CCDC30: variants seen among roughly 807,000 people sequenced by gnomAD.
CCDC30 encodes coiled-coil domain-containing protein 30.
A neutral mutation model predicts 100.2 loss-of-function variants in CCDC30; 70 were observed. The observed-to-expected ratio is 0.70, with a 90% confidence interval of 0.58 to 0.85. The LOEUF is 0.85. Ranked by LOEUF, CCDC30 falls within the 40% of genes least tolerant of loss-of-function variation. The probability of loss-of-function intolerance (pLI) is 0.00; values close to 1 mark genes in which losing one functional copy is unlikely to be tolerated. For missense variants in CCDC30, 652 were observed against 771.2 expected (o/e 0.85, Z 1.83); for synonymous variants, 233 against 269.5 (o/e 0.86, Z 1.33).
chr1:42,611,914 C>T (rs1030534937), intron 11 of CCDC30, among the ~76,000 whole-genome samples: 5 of 152,076 alleles, frequency 3.3e-5, no homozygotes, highest in African/African-American at 1.2e-4. Context: ...CTTGGCCTCC[C>T]AAAATGCTGG....
At chr1:42,494,532 G>A (rs1644199343) in intron 4 of CCDC30, among the ~76,000 whole-genome samples, 1 of 152,178 alleles carries the variant, frequency 6.6e-6, no homozygotes, top group Non-Finnish European at 1.5e-5. Context: ...AAGAGCTTCT[G>A]CACAGCAGGA....
At chr1:42,638,221 G>T (rs915731076) in intron 12 of CCDC30, among the ~76,000 whole-genome samples, 1 of 152,156 alleles carries the variant, frequency 6.6e-6, no homozygotes, top group Non-Finnish European at 1.5e-5. Flanking sequence ...GGGTGCAGTG[G>T]TTCATGCCTG....
Position 42,636,965 on chromosome 1 carries a change from C to CAAAAAAAAAAAAAA in CCDC30, c.1278-258_1278-245dup, listed in dbSNP as rs1166253995. On this transcript the variant is annotated intron_variant, in intron 11 of 16. Transcript: ENST00000668663. ...TGGGCGACAGAGCAAGACTCCATCT[C>CAAAAAAAAAAAAAA]AAAAAAAAAAAAAAAAAAAAAAAAA... is the stretch of plus-strand genomic sequence containing the variant. Among the ~76,000 whole-genome samples the CAAAAAAAAAAAAAA allele has an allele frequency of 2.0e-4, 6 of 29,518 alleles. 1 individual carries two copies. Among genetic ancestry groups the CAAAAAAAAAAAAAA allele is most frequent in the Non-Finnish European group, 3.8e-4 (6 of 15,624 alleles). The allele number at this position is 29,518 out of a possible 152,430, so 19.4% of individuals were successfully genotyped here.
intron 6 of CCDC30, among the ~76,000 whole-genome samples, chr1:42,535,552 G>A (rs1644878683): frequency 6.7e-6 from 1 of 148,350 alleles, no homozygotes; most frequent in African/African-American, 2.5e-5. Context: ...CATTTGACAG[G>A]TTGGCTTTTA....
At chr1:42,609,890 C>T (rs561949709) in intron 10 of CCDC30, among the ~76,000 whole-genome samples, 1 of 152,308 alleles carries the variant, frequency 6.6e-6, no homozygotes, top group Non-Finnish European at 1.5e-5. Flanking sequence ...ACATAAGAGA[C>T]CTAGCAAGCC....
At chr1:42,526,601 C>T (rs1232956461) in intron 6 of CCDC30, among the ~76,000 whole-genome samples, 1 of 152,002 alleles carries the variant, frequency 6.6e-6, no homozygotes, top group Non-Finnish European at 1.5e-5. Flanking sequence ...GGTTTTTGTC[C>T]TCTGTATCAG....
intron 10 of CCDC30, among the ~76,000 whole-genome samples, chr1:42,597,328 C>T (rs1646309430): frequency 6.6e-6 from 1 of 152,020 alleles, no homozygotes; most frequent in African/African-American, 2.4e-5. Context: ...CAGAGAACAT[C>T]AAGCAGGATA....
intron 9 of CCDC30, among the ~76,000 whole-genome samples, chr1:42,587,717 C>A (rs945600522): frequency 2.6e-5 from 4 of 152,172 alleles, no homozygotes; most frequent in African/African-American, 7.2e-5. Flanking sequence ...TTTTACTGCC[C>A]TAGCATGCAG....
At chr1:42,584,886 G>A (rs1259007018) in intron 9 of CCDC30, among the ~76,000 whole-genome samples, 1 of 152,090 alleles carries the variant, frequency 6.6e-6, no homozygotes, top group Admixed American at 6.5e-5. Flanking sequence ...TTGGTATTAG[G>A]GTAATGTTTG....
chr1:42,633,997 C>A (rs1236995688), intron 11 of CCDC30, among the ~76,000 whole-genome samples: 1 of 152,060 alleles, frequency 6.6e-6, no homozygotes, highest in East Asian at 1.9e-4. Flanking sequence ...ACCATCAGAT[C>A]TCATGAGAAC....
chr1:42,555,996 T>C (rs541766603), intron 6 of CCDC30, among the ~76,000 whole-genome samples, 160 bp from the exon 10 acceptor site: 13 of 152,326 alleles, frequency 8.5e-5, no homozygotes, highest in Middle Eastern at 6.8e-3. Flanking sequence ...GGCCGACTTA[T>C]GTTTTTAAAG....
intron 1 of CCDC30, among the ~76,000 whole-genome samples, chr1:42,474,703 C>A (rs901314838): frequency 6.6e-6 from 1 of 152,166 alleles, no homozygotes; most frequent in African/African-American, 2.4e-5. Context: ...TCCCCTTATT[C>A]CCTATGTGAC....
intron 6 of CCDC30, among the ~76,000 whole-genome samples, chr1:42,510,471 A>AT (rs1334086945): frequency 6.6e-6 from 1 of 152,134 alleles, no homozygotes; most frequent in African/African-American, 2.4e-5. Context: ...ATCCTTGCCA[A>AT]TATGGTGAAA....
intron 6 of CCDC30, among the ~76,000 whole-genome samples, chr1:42,531,476 T>C (rs1169665357): frequency 2.6e-5 from 4 of 152,186 alleles, no homozygotes; most frequent in Admixed American, 1.3e-4. Flanking sequence ...AACATTATTT[T>C]TGGGCTGGGC....
intron 6 of CCDC30, among the ~76,000 whole-genome samples, chr1:42,547,670 A>G (rs1208589507): frequency 3.3e-5 from 5 of 152,162 alleles, no homozygotes; most frequent in African/African-American, 1.2e-4. Context: ...AAGTCTAGGT[A>G]TCTGCCATCT....
chr1:42,482,753 C>T, exon 3 of CCDC30: 6 of 1,234,002 alleles, frequency 4.9e-6, no homozygotes, highest in Non-Finnish European at 6.1e-6. Context: ...AGGGGTGGCT[C>T]ATGAAGAGAT....
intron 2 of CCDC30, among the ~76,000 whole-genome samples, chr1:42,481,118 A>AC (rs1040776959): frequency 2.0e-5 from 3 of 152,072 alleles, no homozygotes; most frequent in Non-Finnish European, 4.4e-5. Flanking sequence ...CTCTTAAAAA[A>AC]AAAAAAAGAG....
chr1:42,612,240 A>G lies in CCDC30; in HGVS notation c.1277+1150A>G, dbSNP rs527367924. On this transcript the variant is annotated intron_variant, in intron 11 of 16. Transcript: ENST00000668663. ...CCCTTGCACTAACAGCAGCAGTTAAACAGGGTACAACTGCTAACAGACAAA... is the reference window on the plus strand; with the variant it reads ...CCCTTGCACTAACAGCAGCAGTTAAGCAGGGTACAACTGCTAACAGACAAA... Among the ~76,000 whole-genome samples the G allele has an allele frequency of 6.6e-5, 10 of 152,352 alleles. No individual in the cohort carries two copies. The South Asian group carries it at 2.1e-3, about 32-fold the overall frequency.
At chr1:42,588,374 A>G (rs1447161448) in intron 9 of CCDC30, among the ~76,000 whole-genome samples, 1 of 152,152 alleles carries the variant, frequency 6.6e-6, no homozygotes, top group Non-Finnish European at 1.5e-5. Context: ...TTAATAGGAG[A>G]AAAAGCAAAC....
Sources: gnomAD v4.1 joint callset for allele counts (sites outside exome capture counted in the v4.1 genomes callset) on GRCh38, gnomAD v4.1.1 for gene constraint, MANE v1.5 for transcripts, NCBI Gene and HGNC (gene_info 2026-07-23, HGNC 2026-07-21) for gene names.